The following RAB5A variants were observed in gnomAD, a reference collection of about 807,000 sequenced individuals.
The protein encoded by RAB5A is RAB5A, member RAS oncogene family, also known as ras-related protein Rab-5A.
In RAB5A, 8 loss-of-function variants were observed where a neutral mutation model predicts 25.7. The observed-to-expected ratio is 0.31, with a 90% CI of 0.18 to 0.56. The LOEUF (loss-of-function observed/expected upper bound fraction) is 0.56. RAB5A is among the 20% of genes least tolerant of loss of function. The probability of loss-of-function intolerance (pLI) is 0.91; values close to 1 mark genes in which losing one functional copy is unlikely to be tolerated. For missense variants in RAB5A, 192 were observed against 259.7 expected (o/e 0.74, Z 1.79); for synonymous variants, 98 against 89.8 (o/e 1.09, Z -0.52).
chr3:19,971,197 C>CAAAAAA (rs757289443), intron 2 of RAB5A, among the ~76,000 whole-genome samples: 5 of 74,766 alleles, frequency 6.7e-5, no homozygotes, highest in African/African-American at 1.4e-4. Flanking sequence ...AACTCCATCT[C>CAAAAAA]AAAAAAAAAA....
chr3:19,950,848 C>G lies in RAB5A; in HGVS notation c.-51C>G, dbSNP rs779811315. 9.7e-6 allele frequency: 15 copies of G among 1,547,470 alleles called. No individual in the cohort carries two copies. In the South Asian group the frequency reaches 1.8e-4, roughly 19 times the overall value. On this transcript the variant is annotated 5_prime_UTR_variant, in exon 2 of 6. Coordinates refer to ENST00000273047, the MANE Select transcript of RAB5A (RefSeq NM_004162.5). ...AAGAAGAATATTGGCCCCTTGAATT[C>G]TGGAAGTTCATTGAAGAGTCTGAAA... is the stretch of plus-strand genomic sequence containing the variant.
chr3:19,972,390 A>T (rs1212280999), intron 2 of RAB5A, among the ~76,000 whole-genome samples: 1 of 152,236 alleles, frequency 6.6e-6, no homozygotes, highest in South Asian at 2.1e-4. Flanking sequence ...ATATAAACCA[A>T]TGATTATAAA....
chr3:19,963,748 G>A (rs1486892728), intron 2 of RAB5A, among the ~76,000 whole-genome samples: 3 of 152,040 alleles, frequency 2.0e-5, no homozygotes, highest in African/African-American at 7.2e-5. Flanking sequence ...GGGCTCAAAT[G>A]ATCCTCCCAC....
intron 2 of RAB5A, among the ~76,000 whole-genome samples, chr3:19,969,038 T>TG (rs1379002823): frequency 2.0e-4 from 15 of 73,960 alleles, no homozygotes; most frequent in African/African-American, 1.3e-3. Context: ...TTGGTTTTTT[T>TG]TTTTTGGTTT....
intron 2 of RAB5A, among the ~76,000 whole-genome samples, chr3:19,966,640 A>T (rs1205093962): frequency 6.6e-6 from 1 of 152,214 alleles, no homozygotes; most frequent in Non-Finnish European, 1.5e-5. Flanking sequence ...GCTGCAAAGC[A>T]GTTCCAGTTT....
intron 2 of RAB5A, among the ~76,000 whole-genome samples, chr3:19,961,652 ATTTG>A (rs1696586738): frequency 6.6e-6 from 1 of 152,220 alleles, no homozygotes; most frequent in African/African-American, 2.4e-5. Context: ...AAATGCATTA[ATTTG>A]TTCATGTGAG....
In RAB5A at chr3:19,983,727, T is replaced by A; in HGVS notation, c.552T>A (p.Asn184Lys). ...TTTCAGCTAAAAAATTGCCAAAGAA[T>A]GAACCACAAAATCCAGGAGCAAATT... is the stretch of plus-strand genomic sequence containing the variant. ...FMAIAKKLPKNEPQNPGANSA... is the reference protein window; with the variant it reads ...FMAIAKKLPKKEPQNPGANSA... The change falls in exon 6 of 6, where the codon AAT (asparagine) becomes AAA (lysine). Residue 184 changes from asparagine (N) to lysine (K), a missense_variant. Around this residue, in one of 3 missense-constraint regions of RAB5A, gnomAD observed 121 missense variants for 135.7 expected, o/e 0.89. Transcript: ENST00000273047. The A allele has an allele frequency of 6.2e-7, 1 of 1,610,664 alleles. No homozygotes were observed. The highest frequency in any genetic ancestry group is 8.5e-7 in the Non-Finnish European group (1 of 1,177,892).
At chr3:19,954,898 C>T (rs534386135) in intron 2 of RAB5A, among the ~76,000 whole-genome samples, 9 of 152,244 alleles carry the variant, frequency 5.9e-5, no homozygotes, top group East Asian at 1.9e-4. Flanking sequence ...GATGAAATTG[C>T]GTGCCGTAGA....
chr3:19,974,921 G>A (rs963579756), intron 2 of RAB5A, among the ~76,000 whole-genome samples: 2 of 151,858 alleles, frequency 1.3e-5, no homozygotes, highest in Admixed American at 6.6e-5. Context: ...TTTAATTGTA[G>A]AGCAATTTTG....
chr3:19,981,558 G>A (rs962273363), intron 5 of RAB5A, among the ~76,000 whole-genome samples: 13 of 152,022 alleles, frequency 8.6e-5, no homozygotes, highest in Non-Finnish European at 1.2e-4. Flanking sequence ...AGGTTGTAGC[G>A]AGCTGAGATC....
intron 2 of RAB5A, among the ~76,000 whole-genome samples, chr3:19,957,489 C>T (rs1243788806): frequency 1.4e-5 from 1 of 69,222 alleles, no homozygotes; most frequent in African/African-American, 5.7e-5. Flanking sequence ...CCCATCCTTA[C>T]TAAAAAAAAA....
chr3:19,961,044 A>G (rs913302701), intron 2 of RAB5A, among the ~76,000 whole-genome samples: 1 of 152,206 alleles, frequency 6.6e-6, no homozygotes, highest in African/African-American at 2.4e-5. Flanking sequence ...GAGGTATAAC[A>G]TGAATAGAAT....
chr3:19,957,928 T>C (rs1696528550), intron 2 of RAB5A, among the ~76,000 whole-genome samples: 4 of 152,136 alleles, frequency 2.6e-5, no homozygotes, highest in Admixed American at 2.6e-4. Context: ...ACAGAAAAGC[T>C]AGCCAGAAAA....
chr3:19,972,803 A>G (rs1696769186), intron 2 of RAB5A, among the ~76,000 whole-genome samples: 1 of 152,160 alleles, frequency 6.6e-6, no homozygotes, highest in Non-Finnish European at 1.5e-5. Flanking sequence ...ATTTTTGTAC[A>G]TGTATGGTGT....
At position 19,981,118 on chromosome 3, in the gene RAB5A, T is replaced by C. The variant is rs573679332; in HGVS notation, c.533-2590T>C. Among the ~76,000 whole-genome samples the C allele has an allele frequency of 2.0e-5, 3 of 152,330 alleles. No individual in the cohort carries two copies. The East Asian group carries it at 5.8e-4, about 29-fold the overall frequency. ...CTTAAAATCAGTACTCTTAGTCATC[T>C]TTAATATTCTGCCTCCCCTCAAAAA... On this transcript the variant is annotated intron_variant, in intron 5 of 5. Transcript: ENST00000273047.
chr3:19,973,619 C>T (rs1374027732), intron 2 of RAB5A, among the ~76,000 whole-genome samples: 2 of 152,024 alleles, frequency 1.3e-5, no homozygotes, highest in Non-Finnish European at 2.9e-5. Context: ...AGAAAATGGA[C>T]AATTCTGCTA....
At chr3:19,980,445 A>ATTTT (rs11441052) in intron 5 of RAB5A, among the ~76,000 whole-genome samples, 20 of 148,034 alleles carry the variant, frequency 1.4e-4, no homozygotes, top group African/African-American at 1.5e-4. Flanking sequence ...AGGTTAGTAA[A>ATTTT]TTTTTTTTTC....
Position 19,947,268 on chromosome 3 carries a change from GGC to G in RAB5A, c.-345_-344del, listed in dbSNP as rs2125174901. ...AAGAATTAGTCGGAACTCCAGCGCC[GGC>G]GGCGGCGGCGGCGGCGGAGGAGGAG... On this transcript the variant is annotated 5_prime_UTR_variant, in exon 1 of 6. Transcript: ENST00000273047. 1 of 143,510 alleles carries G rather than the reference GGC, an allele frequency of 7.0e-6. No homozygotes were observed. The highest frequency in any genetic ancestry group is 2.7e-4 in the East Asian group (1 of 3,704). The allele number at this position is 143,510 out of a possible 1,614,324, so 8.9% of individuals were successfully genotyped here. A position where few individuals can be genotyped will look rare whatever the true frequency, so the allele number is the denominator to read the frequency against.
chr3:19,970,556 G>A (rs751621420), intron 2 of RAB5A: 13 of 456,506 alleles, frequency 2.8e-5, no homozygotes, highest in Non-Finnish European at 5.7e-5. Flanking sequence ...AGTAACTCTC[G>A]AAGTGATAAA....
Sources: gnomAD v4.1 joint callset for allele counts (sites outside exome capture counted in the v4.1 genomes callset) on GRCh38, gnomAD v4.1.1 for gene constraint, gnomAD v4.1.1 regional missense constraint, MANE v1.5 for transcripts, NCBI Gene and HGNC (gene_info 2026-07-23, HGNC 2026-07-21) for gene names.